DCDC2C: variants seen among roughly 807,000 people sequenced by gnomAD.
DCDC2C encodes the protein doublecortin domain-containing protein 2C.
Under a neutral mutation model 45.0 loss-of-function variants are expected in DCDC2C, and 44 were observed. The ratio of observed to expected loss-of-function variants is 0.98; its 90% CI spans 0.77 to 1.26. The LOEUF is 1.26. Ranked by LOEUF, DCDC2C falls within the 50% of genes most tolerant of loss-of-function variation. The probability of loss-of-function intolerance (pLI) is 0.00; values close to 1 mark genes in which losing one functional copy is unlikely to be tolerated. For missense variants in DCDC2C, 447 were observed against 468.9 expected, an observed-to-expected ratio of 0.95 and a Z score of 0.43; for synonymous variants, 187 against 178.8, an observed-to-expected ratio of 1.05 and a Z score of -0.37.
chr2:3,806,097 A>G (rs1409327767), intron 10 of DCDC2C, among the ~76,000 whole-genome samples: 1 of 152,042 alleles, frequency 6.6e-6, no homozygotes, highest in African/African-American at 2.4e-5. Flanking sequence ...TGGCCTCCCA[A>G]AGTGCTGGGT....
chr2:3,738,114 T>C (rs1306034019), intron 3 of DCDC2C, among the ~76,000 whole-genome samples: 2 of 152,218 alleles, frequency 1.3e-5, no homozygotes, highest in East Asian at 3.8e-4. Context: ...ACTGCTAATT[T>C]GTTAGAAAAA....
chr2:3,777,055 A>G (rs1201472111), intron 8 of DCDC2C, among the ~76,000 whole-genome samples: 3 of 152,128 alleles, frequency 2.0e-5, no homozygotes, highest in Admixed American at 2.0e-4. Context: ...TCTTTTGGTT[A>G]GATTGCTGCT....
intron 3 of DCDC2C, among the ~76,000 whole-genome samples, chr2:3,728,713 A>C (rs1430960580): frequency 6.6e-6 from 1 of 152,246 alleles, no homozygotes; most frequent in African/African-American, 2.4e-5. Context: ...TTGTCGCTAT[A>C]AAAACACATA....
intron 4 of DCDC2C, among the ~76,000 whole-genome samples, chr2:3,751,659 T>C (rs1050309497): frequency 2.0e-5 from 3 of 152,178 alleles, no homozygotes; most frequent in African/African-American, 7.2e-5. Context: ...GAGGGATAGG[T>C]TCTATAGATT....
chr2:3,760,629 G>A (rs1669852295), intron 6 of DCDC2C, among the ~76,000 whole-genome samples: 2 of 152,150 alleles, frequency 1.3e-5, no homozygotes, highest in South Asian at 2.1e-4. Flanking sequence ...GTCGAACAAT[G>A]AGAACACATG....
At chr2:3,796,957 C>T (rs1266088713) in intron 10 of DCDC2C, among the ~76,000 whole-genome samples, 4 of 152,132 alleles carry the variant, frequency 2.6e-5, no homozygotes, top group African/African-American at 7.2e-5. Context: ...CCAGTTCCTC[C>T]TTGTACCTCT....
intron 10 of DCDC2C, among the ~76,000 whole-genome samples, chr2:3,803,088 C>G (rs1276893346): frequency 6.6e-6 from 1 of 152,190 alleles, no homozygotes; most frequent in African/African-American, 2.4e-5. Flanking sequence ...CTTTTCCATG[C>G]CAATAGTTGA....
At chr2:3,804,691 A>T (rs1038353096) in intron 10 of DCDC2C, among the ~76,000 whole-genome samples, 3 of 152,238 alleles carry the variant, frequency 2.0e-5, no homozygotes, top group Non-Finnish European at 4.4e-5. Flanking sequence ...TGCATGATGC[A>T]TAAGGAAGAG....
Position 3,788,796 on chromosome 2 carries a change from T to C in DCDC2C, c.1065+3696T>C, listed in dbSNP as rs201083222. Among the ~76,000 whole-genome samples the C allele has an allele frequency of 3.4e-4, 40 of 116,150 alleles. 1 individual carries two copies. In the East Asian group the frequency reaches 0.012, roughly 35 times the overall value. 76.2% of individuals were successfully genotyped at this position (116,150 alleles called of 152,430 possible). A position where few individuals can be genotyped will look rare whatever the true frequency, so the allele number is the denominator to read the frequency against. ...CTTCCGTTTCCCTTTCTTCCTCCCT[T>C]CCTTCCCTCCCTTCCTCCCTTCCTG... On this transcript the variant is annotated intron_variant, in intron 10 of 10. Transcript: ENST00000399143.
rs6734394 is a variant in DCDC2C at position 3,780,138 on chromosome 2, C to T, written c.1023+1254C>T. On this transcript the variant is annotated intron_variant, in intron 9 of 10. Transcript: ENST00000399143. ...CAAAGACAGTTTTTTATTTCTTTGG[C>T]ACCCTCCGTCGAGGGTAAGAGTGTG... Among the ~76,000 whole-genome samples, 1,221 of 152,248 alleles carry T rather than the reference C, an allele frequency of 8.0e-3. 15 individuals are homozygous for T. The highest frequency in any genetic ancestry group is 0.028 in the African/African-American group (1,171 of 41,538).
At chr2:3,833,217 CTGGA>C (rs1428762725) in intron 10 of DCDC2C, among the ~76,000 whole-genome samples, 1 of 152,190 alleles carries the variant, frequency 6.6e-6, no homozygotes, top group Non-Finnish European at 1.5e-5. Context: ...GTTGGGCACT[CTGGA>C]TGATCCAGTA....
chr2:3,791,780 A>AATGTCTTCTCC (rs1670817962), intron 10 of DCDC2C, among the ~76,000 whole-genome samples: 2 of 152,196 alleles, frequency 1.3e-5, no homozygotes, highest in South Asian at 4.1e-4. Context: ...CCGCCGGCAG[A>AATGTCTTCTCC]ATGTCTTCTC....
intron 10 of DCDC2C, among the ~76,000 whole-genome samples, chr2:3,820,298 T>C (rs1055938355): frequency 1.3e-5 from 2 of 152,144 alleles, no homozygotes; most frequent in Non-Finnish European, 2.9e-5. Context: ...GCTTAAGTTT[T>C]AGGTCAGGCA....
intron 10 of DCDC2C, among the ~76,000 whole-genome samples, chr2:3,826,297 G>A (rs1671814040): frequency 6.6e-6 from 1 of 151,962 alleles, no homozygotes; most frequent in South Asian, 2.1e-4. Context: ...GTTTTTCATG[G>A]CTCTTTATTT....
intron 10 of DCDC2C, among the ~76,000 whole-genome samples, chr2:3,807,878 G>A (rs1279405280): frequency 6.6e-6 from 1 of 152,316 alleles, no homozygotes; most frequent in East Asian, 1.9e-4. Context: ...TCACCCATCT[G>A]TGTGCACAAC....
chr2:3,735,386 G>C (rs1050087535), intron 3 of DCDC2C, among the ~76,000 whole-genome samples: 4 of 151,848 alleles, frequency 2.6e-5, no homozygotes, highest in Non-Finnish European at 4.4e-5. Flanking sequence ...TTAGCATTAG[G>C]TGTATCTCCT....
At chr2:3,704,186 G>A (rs1211954581) in intron 1 of DCDC2C, 148 bp downstream of exon 1, 8 of 737,580 alleles carry the variant, frequency 1.1e-5, no homozygotes, top group Admixed American at 4.4e-5. Context: ...CAGCGCAGCC[G>A]GCGTCGGGCC....
chr2:3,726,868 C>T (rs370290528), intron 2 of DCDC2C, 135 bp from the exon 3 acceptor site: 7 of 727,528 alleles, frequency 9.6e-6, no homozygotes, highest in African/African-American at 1.8e-5. Flanking sequence ...TTCCTGGACC[C>T]GCCCCTGGGT....
At chr2:3,762,857 G>A (rs1669916488) in intron 6 of DCDC2C, among the ~76,000 whole-genome samples, 1 of 152,140 alleles carries the variant, frequency 6.6e-6, no homozygotes. Context: ...CTGAGAGGAG[G>A]CAGCTGTTTT....
Sources: gnomAD v4.1 joint callset for allele counts (sites outside exome capture counted in the v4.1 genomes callset) on GRCh38, gnomAD v4.1.1 for gene constraint, MANE v1.5 for transcripts, NCBI Gene and HGNC (gene_info 2026-07-23, HGNC 2026-07-21) for gene names.